Variants in HLCS observed in about 807,000 individuals in gnomAD.
HLCS encodes the protein biotin--protein ligase.
HLCS carries 53 observed loss-of-function variants against 75.0 expected under a neutral mutation model. The observed-to-expected ratio is 0.71, with a 90% CI of 0.57 to 0.89. The LOEUF (loss-of-function observed/expected upper bound fraction) is 0.89. Among genes scored for constraint, HLCS ranks in the 40% least tolerant of loss-of-function variants. The probability of loss-of-function intolerance (pLI) is 0.00; values close to 1 mark genes in which losing one functional copy is unlikely to be tolerated. For missense variants in HLCS, 966 were observed against 1,074.0 expected, an observed-to-expected ratio of 0.90 and a Z score of 1.41; for synonymous variants, 431 against 428.6, an observed-to-expected ratio of 1.01 and a Z score of -0.07.
At chr21:36,803,392 T>C (rs1052715769) in intron 6 of HLCS, among the ~76,000 whole-genome samples, 1 of 152,268 alleles carries the variant, frequency 6.6e-6, no homozygotes, top group Non-Finnish European at 1.5e-5. Flanking sequence ...AGCAGTGATC[T>C]TCTCTTTTCA....
chr21:36,931,214 C>T (rs1337463631), intron 4 of HLCS, among the ~76,000 whole-genome samples: 4 of 131,884 alleles, frequency 3.0e-5, no homozygotes, highest in East Asian at 2.5e-4. Context: ...ACCCAGGAGG[C>T]GGAAGTTGCG....
At chr21:36,941,173 T>C (rs967934781) in intron 2 of HLCS, among the ~76,000 whole-genome samples, 1 of 152,110 alleles carries the variant, frequency 6.6e-6, no homozygotes, top group Non-Finnish European at 1.5e-5. Context: ...GATCATGCCA[T>C]TGCACTCCAG....
intron 6 of HLCS, among the ~76,000 whole-genome samples, chr21:36,768,738 T>C (rs2090130114): frequency 6.6e-6 from 1 of 152,260 alleles, no homozygotes; most frequent in African/African-American, 2.4e-5. Context: ...CTCAGAAGTA[T>C]TTCTCTTGGA....
At chr21:36,802,374 A>C (rs759662651) in intron 6 of HLCS, among the ~76,000 whole-genome samples, 1 of 152,244 alleles carries the variant, frequency 6.6e-6, no homozygotes, top group Non-Finnish European at 1.5e-5. Context: ...CGCCCAGGAG[A>C]AAAATGAAAT....
At chr21:36,937,457 A>G in intron 3 of HLCS, 65 bp from the exon 4 acceptor site, 1 of 1,305,506 alleles carries the variant, frequency 7.7e-7, no homozygotes, top group East Asian at 2.4e-5. Context: ...CACATAGCTC[A>G]TCTCAAGAAT....
intron 9 of HLCS, 51 bp downstream of exon 9, chr21:36,759,676 T>G (rs1167631081): frequency 1.9e-6 from 2 of 1,063,788 alleles, no homozygotes; most frequent in Non-Finnish European, 3.0e-6. Context: ...GTCTTTATTT[T>G]TATTGTTTTA....
intron 6 of HLCS, among the ~76,000 whole-genome samples, chr21:36,791,883 C>G (rs780255610): frequency 1.3e-5 from 2 of 152,120 alleles, no homozygotes; most frequent in Admixed American, 6.5e-5. Flanking sequence ...GAAAAAAGAA[C>G]AACCAAGTTA....
chr21:36,756,049 G>C (rs2089556163), intron 10 of HLCS, among the ~76,000 whole-genome samples: 1 of 152,156 alleles, frequency 6.6e-6, no homozygotes, highest in South Asian at 2.1e-4. Flanking sequence ...TCCATTACTT[G>C]TGATGCTAAC....
rs1568946207 is a variant in HLCS at position 36,749,297 on chromosome 21, A to G, written c.*4949T>C. 1 of 152,606 alleles carries G rather than the reference A, an allele frequency of 6.6e-6. No individual in the cohort carries two copies. The highest frequency in any genetic ancestry group is 1.5e-5 in the Non-Finnish European group (1 of 68,032). The allele number at this position is 152,606 out of a possible 1,614,324, so 9.5% of individuals were successfully genotyped here. A position where few individuals can be genotyped will look rare whatever the true frequency, so the allele number is the denominator to read the frequency against. On this transcript the variant is annotated 3_prime_UTR_variant, in exon 11 of 11. Coordinates refer to ENST00000674895, the MANE Select transcript of HLCS (RefSeq NM_001352514.2). Reference sequence around the variant, plus strand: ...TCCTTCAATTTTCTTCACACTATCAACACTGCAGCATTTTGCTGCTTTATC... The same window carrying G: ...TCCTTCAATTTTCTTCACACTATCAGCACTGCAGCATTTTGCTGCTTTATC...
intron 6 of HLCS, among the ~76,000 whole-genome samples, chr21:36,874,708 A>AG (rs1303706254): frequency 6.6e-6 from 1 of 152,146 alleles, no homozygotes; most frequent in African/African-American, 2.4e-5. Flanking sequence ...GCAATGGGGG[A>AG]GGTGTGGCCA....
intron 6 of HLCS, among the ~76,000 whole-genome samples, chr21:36,841,655 A>T (rs911528795): frequency 6.6e-6 from 1 of 152,236 alleles, no homozygotes; most frequent in Non-Finnish European, 1.5e-5. Context: ...CAGGCTTCTC[A>T]TCTGTAAAAT....
intron 6 of HLCS, among the ~76,000 whole-genome samples, chr21:36,829,833 C>A (rs1342654113): frequency 1.3e-5 from 2 of 152,228 alleles, no homozygotes; most frequent in Non-Finnish European, 2.9e-5. Context: ...GAAGGAGGGG[C>A]AGGCACGCAG....
chr21:36,965,156 C>G (rs1036817295), intron 1 of HLCS, among the ~76,000 whole-genome samples: 1 of 152,112 alleles, frequency 6.6e-6, no homozygotes, highest in Admixed American at 6.6e-5. Flanking sequence ...ACAATTTCAA[C>G]CCATATCTAA....
At chr21:36,795,650 C>T (rs2061004250) in intron 6 of HLCS, among the ~76,000 whole-genome samples, 1 of 152,164 alleles carries the variant, frequency 6.6e-6, no homozygotes, top group African/African-American at 2.4e-5. Context: ...GTCTGAAGGC[C>T]CCAAGCAGTC....
intron 6 of HLCS, among the ~76,000 whole-genome samples, chr21:36,790,359 G>A (rs1481703571): frequency 2.0e-5 from 3 of 152,148 alleles, no homozygotes; most frequent in Non-Finnish European, 2.9e-5. Flanking sequence ...AGCTGAGATC[G>A]TGCGACTGCA....
chr21:36,824,594 A>AAAAC (rs752325607), intron 6 of HLCS, among the ~76,000 whole-genome samples: 1 of 152,184 alleles, frequency 6.6e-6, no homozygotes, highest in Non-Finnish European at 1.5e-5. Context: ...CTTAAAGCAA[A>AAAAC]AAACAAACAA....
intron 6 of HLCS, among the ~76,000 whole-genome samples, chr21:36,785,883 A>C (rs2060671698): frequency 6.6e-6 from 1 of 152,012 alleles, no homozygotes; most frequent in African/African-American, 2.4e-5. Context: ...CTCCCTTGCT[A>C]TTTCAGGCCC....
Position 36,805,243 on chromosome 21 carries a change from GA to G in HLCS, c.1893-37959del, listed in dbSNP as rs575594721. Reference sequence around the variant, plus strand: ...ACAAAAGATGCCTCCAAATTTTAAAGAAAAAAAAATTTCTCTCTCGGTTAAC... The same window carrying G: ...ACAAAAGATGCCTCCAAATTTTAAAGAAAAAAAATTTCTCTCTCGGTTAAC... On this transcript the variant is annotated intron_variant, in intron 6 of 10. Transcript: ENST00000674895. Among the ~76,000 whole-genome samples, 9 of 151,536 alleles carry G rather than the reference GA, an allele frequency of 5.9e-5. No homozygotes were observed. The South Asian group carries it at 1.0e-3, about 18-fold the overall frequency.
chr21:36,767,168 C>T (rs774704675), intron 7 of HLCS, 50 bp downstream of exon 7: 2 of 1,568,648 alleles, frequency 1.3e-6, no homozygotes, highest in South Asian at 2.2e-5. Flanking sequence ...ACAAGAGTTG[C>T]AGAGTTTAGA....
Sources: allele counts gnomAD v4.1 joint callset (sites outside exome capture counted in the v4.1 genomes callset), GRCh38; gene constraint gnomAD v4.1.1; transcripts MANE v1.5; gene names NCBI Gene and HGNC (gene_info 2026-07-23, HGNC 2026-07-21).